The following BMPR1B variants were observed in gnomAD, a reference collection of about 807,000 sequenced individuals.
BMPR1B encodes the protein bone morphogenetic protein receptor type-1B.
A neutral mutation model predicts 59.1 loss-of-function variants in BMPR1B; 12 were observed. The ratio of observed to expected loss-of-function variants is 0.20; its 90% CI spans 0.13 to 0.33. BMPR1B has a LOEUF of 0.33. BMPR1B is among the 10% of genes least tolerant of loss of function. The pLI, the probability that BMPR1B is intolerant of heterozygous loss-of-function variation, is 1.00. For synonymous variants in BMPR1B, 237 were observed against 207.3 expected, an observed-to-expected ratio of 1.14 and a Z score of -1.23; for missense variants, 550 against 610.9, an observed-to-expected ratio of 0.90 and a Z score of 1.05.
chr4:94,966,198 C>A (rs1016336200), intron 2 of BMPR1B, among the ~76,000 whole-genome samples: 1 of 152,096 alleles, frequency 6.6e-6, no homozygotes, highest in African/African-American at 2.4e-5. Context: ...ATTTACAGCC[C>A]TGGTAATTTT....
chr4:95,039,876 G>A (rs1340772454), intron 3 of BMPR1B, among the ~76,000 whole-genome samples: 1 of 152,080 alleles, frequency 6.6e-6, no homozygotes, highest in Admixed American at 6.5e-5. Flanking sequence ...GACACCCCTG[G>A]TAGCATGTCA....
intron 2 of BMPR1B, among the ~76,000 whole-genome samples, chr4:94,916,595 C>G (rs538951391): frequency 1.3e-5 from 2 of 152,194 alleles, no homozygotes; most frequent in African/African-American, 2.4e-5. Context: ...ACAACCTACA[C>G]TCAGATGCAG....
chr4:94,765,945 G>C (rs1377643145), intron 1 of BMPR1B, among the ~76,000 whole-genome samples: 3 of 152,120 alleles, frequency 2.0e-5, no homozygotes, highest in Non-Finnish European at 4.4e-5. Context: ...CCTTGGGCAA[G>C]TTCCTGCACC....
At chr4:94,942,995 A>G (rs575956177) in intron 2 of BMPR1B, among the ~76,000 whole-genome samples, 113 of 152,164 alleles carry the variant, frequency 7.4e-4, no homozygotes, top group Non-Finnish European at 1.4e-3. Context: ...TCAACCTTCC[A>G]CAATTAAATT....
chr4:94,978,267 C>G (rs999183272), intron 2 of BMPR1B, among the ~76,000 whole-genome samples: 1 of 152,208 alleles, frequency 6.6e-6, no homozygotes, highest in South Asian at 2.1e-4. Flanking sequence ...AATTTTATCA[C>G]CTTTTAAGGT....
intron 2 of BMPR1B, among the ~76,000 whole-genome samples, chr4:94,993,658 G>A (rs1198616874): frequency 6.6e-6 from 1 of 151,376 alleles, no homozygotes; most frequent in Non-Finnish European, 1.5e-5. Flanking sequence ...CTACTTGGGA[G>A]GCCTAGGTAG....
In BMPR1B at chr4:94,984,333, T is replaced by C. The variant is rs370883141; in HGVS notation, c.-112-11707T>C. Among the ~76,000 whole-genome samples, 384 of 152,336 alleles carry C rather than the reference T, an allele frequency of 2.5e-3. 1 individual carries two copies. Among genetic ancestry groups the C allele is most frequent in the African/African-American group, 9.0e-3 (372 of 41,564 alleles). ...ATTTTAAAATGTAGCTTTTAAATGG[T>C]ATTGATTGCCAGTAAACTCAATGAA... On this transcript the variant is annotated intron_variant, in intron 2 of 12. Coordinates refer to ENST00000515059, the MANE Select transcript of BMPR1B (RefSeq NM_001203.3).
chr4:94,784,265 T>A (rs1722685614), intron 1 of BMPR1B, among the ~76,000 whole-genome samples: 1 of 152,154 alleles, frequency 6.6e-6, no homozygotes, highest in Non-Finnish European at 1.5e-5. Flanking sequence ...GACTTAGGAA[T>A]CCAGGTATAG....
intron 1 of BMPR1B, among the ~76,000 whole-genome samples, chr4:94,830,544 G>A (rs1424093726): frequency 6.6e-6 from 1 of 152,048 alleles, no homozygotes. Context: ...ACTCCTTCAA[G>A]CATTGCTATT....
chr4:94,807,873 C>T (rs557932923), intron 1 of BMPR1B, among the ~76,000 whole-genome samples: 83 of 152,048 alleles, frequency 5.5e-4, no homozygotes, highest in African/African-American at 1.9e-3. Context: ...TTAGTAGAGG[C>T]GAGGTTTTTC....
chr4:95,108,833 T>A (rs1367095462), intron 4 of BMPR1B, among the ~76,000 whole-genome samples: 1 of 152,110 alleles, frequency 6.6e-6, no homozygotes, highest in Non-Finnish European at 1.5e-5. Context: ...CATGTGTCAA[T>A]TTGCGTTGTA....
At chr4:94,812,669 C>T (rs1041214340) in intron 1 of BMPR1B, among the ~76,000 whole-genome samples, 3 of 151,954 alleles carry the variant, frequency 2.0e-5, no homozygotes, top group Non-Finnish European at 2.9e-5. Flanking sequence ...AGACTAGAGA[C>T]GGAGGAGAGA....
Position 94,812,518 on chromosome 4 carries a change from A to G in BMPR1B, c.-183+54450A>G, listed in dbSNP as rs117961662. 6.8e-4 allele frequency among the ~76,000 whole-genome samples: 104 copies of G among 152,332 alleles called. No homozygotes were observed. The East Asian group carries it at 0.015, about 23-fold the overall frequency. On this transcript the variant is annotated intron_variant, in intron 1 of 12. Transcript: ENST00000515059. ...TGATCAGACTAGCGTGACAGACCAT[A>G]CTGAGACCCTTTTGCTTTTTTCTGT...
intron 1 of BMPR1B, among the ~76,000 whole-genome samples, chr4:94,861,645 C>T (rs1725982445): frequency 6.6e-6 from 1 of 152,126 alleles, no homozygotes; most frequent in Non-Finnish European, 1.5e-5. Flanking sequence ...AACTAGATTG[C>T]AAACTTCTTG....
intron 3 of BMPR1B, among the ~76,000 whole-genome samples, chr4:95,047,453 G>A (rs997600253): frequency 6.6e-6 from 1 of 152,062 alleles, no homozygotes; most frequent in African/African-American, 2.4e-5. Context: ...CATAGACTGG[G>A]GTGTTGAGGA....
chr4:94,840,487 TC>T lies in BMPR1B; in HGVS notation c.-182-35341del, dbSNP rs1443073326. Among the ~76,000 whole-genome samples the T allele has an allele frequency of 1.4e-5, 2 of 147,108 alleles. 1 individual carries two copies. The highest frequency in any genetic ancestry group is 5.0e-5 in the African/African-American group (2 of 39,638). Reference sequence around the variant, plus strand: ...TTTTTATTCTTTTTTTCTCTAAACTTCCCTTCTCGCTTCATTTCATTCATTT... The same window carrying T: ...TTTTTATTCTTTTTTTCTCTAAACTTCCTTCTCGCTTCATTTCATTCATTT... On this transcript the variant is annotated intron_variant, in intron 1 of 12. Transcript: ENST00000515059.
chr4:95,061,335 G>A (rs1194093651), intron 3 of BMPR1B, among the ~76,000 whole-genome samples: 2 of 152,080 alleles, frequency 1.3e-5, no homozygotes, highest in African/African-American at 4.8e-5. Context: ...TCATGCATGG[G>A]CTACATCTGC....
At chr4:94,909,055 A>C (rs1490610987) in intron 2 of BMPR1B, among the ~76,000 whole-genome samples, 1 of 151,982 alleles carries the variant, frequency 6.6e-6, no homozygotes, top group Non-Finnish European at 1.5e-5. Context: ...CCTGGTGATC[A>C]CTGGTGGTGT....
rs563682391 is a variant in BMPR1B at position 94,820,563 on chromosome 4, G to T, written c.-182-55268G>T. 3.3e-4 allele frequency among the ~76,000 whole-genome samples: 51 copies of T among 152,316 alleles called. No individual in the cohort carries two copies. In the South Asian group the frequency reaches 8.3e-3, roughly 25 times the overall value. ...GATTAAAACATGTTTTTCTCATAAA[G>T]ATATGGTAATGATTTGCAACAACAG... is the stretch of plus-strand genomic sequence containing the variant. On this transcript the variant is annotated intron_variant, in intron 1 of 12. Coordinates refer to ENST00000515059, the MANE Select transcript of BMPR1B (RefSeq NM_001203.3).
Sources: allele counts gnomAD v4.1 joint callset (sites outside exome capture counted in the v4.1 genomes callset), GRCh38; gene constraint gnomAD v4.1.1; transcripts MANE v1.5; gene names NCBI Gene and HGNC (gene_info 2026-07-23, HGNC 2026-07-21).